C1QTNF1: variants seen among roughly 807,000 people sequenced by gnomAD.
C1QTNF1 encodes C1q and TNF related 1.
Under a neutral mutation model 27.8 loss-of-function variants are expected in C1QTNF1, and 22 were observed. The ratio of observed to expected loss-of-function variants is 0.79; its 90% confidence interval spans 0.56 to 1.13. The LOEUF (loss-of-function observed/expected upper bound fraction) is 1.13, where lower values mean the gene tolerates loss of function less well. Among genes scored for constraint, C1QTNF1 ranks in the 50% most tolerant of loss-of-function variants. C1QTNF1 has a pLI of 0.00. For missense variants in C1QTNF1, 373 were observed against 380.2 expected (o/e 0.98, Z 0.16); for synonymous variants, 166 against 154.3 (o/e 1.08, Z -0.56).
intron 1 of C1QTNF1, among the ~76,000 whole-genome samples, chr17:79,028,588 CA>C (rs1263952571): frequency 6.6e-6 from 1 of 152,218 alleles, no homozygotes; most frequent in Middle Eastern, 3.2e-3. Flanking sequence ...CTCTGGCATT[CA>C]GGGGAGCCCC....
At chr17:79,047,257 A>T (rs2072607460) in intron 3 of C1QTNF1, 5 of 325,772 alleles carry the variant, frequency 1.5e-5, no homozygotes, top group Non-Finnish European at 1.6e-5. Context: ...TTTTTTTACC[A>T]GGGCTTTCCA....
At position 79,047,749 on chromosome 17, in the gene C1QTNF1, G is replaced by C. The variant is rs771547856; in HGVS notation, c.507G>C (p.Thr169=). The C allele has an allele frequency of 6.2e-7, 1 of 1,614,140 alleles. No homozygotes were observed. Among genetic ancestry groups the C allele is most frequent in the Non-Finnish European group, 8.5e-7 (1 of 1,180,030 alleles). The part of the protein sequence containing the change: ...NHYYQTVIFD[T]EFVNLYDHFN... ...ACTACCAGACGGTGATCTTCGACAC[G>C]GAGTTCGTGAACCTCTACGACCACT... The change falls in exon 4 of 4, where the codon ACG becomes ACC. Residue 169 remains threonine (T), a synonymous_variant. Transcript: ENST00000579760.
At chr17:79,035,739 A>G (rs767909068) in intron 1 of C1QTNF1, among the ~76,000 whole-genome samples, 4 of 152,138 alleles carry the variant, frequency 2.6e-5, no homozygotes, top group Non-Finnish European at 4.4e-5. Flanking sequence ...CCTGAATCCA[A>G]TTCTTGAACT....
rs777701295 is a variant in C1QTNF1 at position 79,043,953 on chromosome 17, A to G, written c.-14-2A>G. 1.2e-5 allele frequency: 20 copies of G among 1,613,234 alleles called. No homozygotes were observed. Among genetic ancestry groups the G allele is most frequent in the Non-Finnish European group, 1.7e-5 (20 of 1,179,692 alleles). On this transcript the variant is annotated splice_acceptor_variant, in intron 1 of 3. Coordinates refer to ENST00000579760, the MANE Select transcript of C1QTNF1 (RefSeq NM_030968.5). LOFTEE classifies it low-confidence loss of function (5UTR_SPLICE). ...CTTCCCTGTGTGTTTCTTTCCCACCAGGGCCCGGCAGGAAGATGGGCTCCC... is the reference window on the plus strand; with the variant it reads ...CTTCCCTGTGTGTTTCTTTCCCACCGGGGCCCGGCAGGAAGATGGGCTCCC...
chr17:79,033,904 G>A (rs951294131), intron 1 of C1QTNF1, among the ~76,000 whole-genome samples: 2 of 152,188 alleles, frequency 1.3e-5, no homozygotes, highest in African/African-American at 2.4e-5. Flanking sequence ...GAATGCAGAA[G>A]GGTGTTGGGT....
chr17:79,040,389 G>A (rs952176882), intron 1 of C1QTNF1, among the ~76,000 whole-genome samples: 43 of 151,848 alleles, frequency 2.8e-4, no homozygotes, highest in African/African-American at 9.7e-4. Flanking sequence ...GGCCTGAGCC[G>A]GGAGGGTTGA....
chr17:79,023,473 AT>A (rs753446127), upstream of C1QTNF1, among the ~76,000 whole-genome samples: 3 of 152,218 alleles, frequency 2.0e-5, no homozygotes, highest in Non-Finnish European at 4.4e-5. Flanking sequence ...TTCAGAAAAA[AT>A]ATTTGTGTAT....
At position 79,043,686 on chromosome 17, in the gene C1QTNF1, G is replaced by C. The variant is rs1237723760; in HGVS notation, c.-14-269G>C. On this transcript the variant is annotated intron_variant, in intron 1 of 3. Coordinates refer to ENST00000579760, the MANE Select transcript of C1QTNF1 (RefSeq NM_030968.5). ...CATGTGTGGATTGCATGTGTGTTGA[G>C]TGTGTGCATGTGTGGGGGTTGCATG... 4 of 548,258 alleles carry C rather than the reference G, an allele frequency of 7.3e-6. No individual in the cohort carries two copies. In the African/African-American group the frequency reaches 8.0e-5, roughly 11 times the overall value. The allele number at this position is 548,258 out of a possible 1,614,324, so 34.0% of individuals were successfully genotyped here.
intron 1 of C1QTNF1, among the ~76,000 whole-genome samples, chr17:79,033,703 CTAAA>C (rs531584434): frequency 3.3e-5 from 5 of 151,542 alleles, no homozygotes; most frequent in African/African-American, 1.2e-4. Flanking sequence ...ACCCTGTCTC[CTAAA>C]TAAATAAATA....
chr17:79,045,210 A>G (rs1010058567), intron 2 of C1QTNF1, among the ~76,000 whole-genome samples: 7 of 152,132 alleles, frequency 4.6e-5, no homozygotes, highest in African/African-American at 1.4e-4. Flanking sequence ...GCTACCTGGT[A>G]GCCAGAATGG....
chr17:79,043,355 TG>T lies in C1QTNF1; in HGVS notation c.-14-599del, dbSNP rs1346897033. On this transcript the variant is annotated intron_variant, in intron 1 of 3. Transcript: ENST00000579760. ...AGTGCATGTGAGCATGTGGATTGCA[TG>T]TGTGAGTGCATGTGTGTGGACTGTG... The T allele has an allele frequency of 2.0e-5, 9 of 453,338 alleles. No homozygotes were observed. The East Asian group carries it at 5.6e-4, about 28-fold the overall frequency. 28.1% of individuals were successfully genotyped at this position (453,338 alleles called of 1,614,324 possible).
At chr17:79,036,748 C>A (rs938137726) in intron 1 of C1QTNF1, among the ~76,000 whole-genome samples, 3 of 152,154 alleles carry the variant, frequency 2.0e-5, no homozygotes, top group African/African-American at 7.2e-5. Context: ...CTGGTTGAAT[C>A]ACTTCCTCCC....
chr17:79,030,533 T>TTTC (rs1436012386), intron 1 of C1QTNF1, among the ~76,000 whole-genome samples: 3 of 131,200 alleles, frequency 2.3e-5, no homozygotes, highest in East Asian at 4.8e-4. Context: ...TTCTTTCTTC[T>TTTC]TTCTTTCTTT....
intron 1 of C1QTNF1, among the ~76,000 whole-genome samples, chr17:79,040,772 T>G (rs1425050962): frequency 6.7e-6 from 1 of 148,654 alleles, no homozygotes; most frequent in Non-Finnish European, 1.5e-5. Flanking sequence ...GGTGTGGTAG[T>G]GCATACCTGC....
chr17:79,036,413 G>A (rs1399400581), intron 1 of C1QTNF1, among the ~76,000 whole-genome samples: 2 of 152,146 alleles, frequency 1.3e-5, no homozygotes, highest in African/African-American at 4.8e-5. Context: ...GGGCTCAGGC[G>A]ATCCTCCCAC....
In C1QTNF1 at chr17:79,047,871, A is replaced by C. The variant is rs1446590086; in HGVS notation, c.629A>C (p.His210Pro). The change falls in exon 4 of 4, where the codon CAC becomes CCC. Residue 210 changes from histidine (H) to proline (P), a missense_variant. Transcript: ENST00000579760. ...TGGAACCAGAAGGAGACCTACCTGC[A>C]CATCATGAAGAACGAGGAGGAGGTG... The part of the protein sequence containing the change: ...HTWNQKETYL[H>P]IMKNEEEVVI... The C allele has an allele frequency of 1.9e-6, 3 of 1,614,220 alleles. No individual in the cohort carries two copies. The South Asian group carries it at 3.3e-5, about 18-fold the overall frequency.
At chr17:79,028,688 C>T (rs2072042477) in intron 1 of C1QTNF1, among the ~76,000 whole-genome samples, 1 of 152,210 alleles carries the variant, frequency 6.6e-6, no homozygotes, top group Non-Finnish European at 1.5e-5. Context: ...TCCTTTGCAA[C>T]TCAGAGCTCA....
At chr17:79,025,404 C>G (rs2071917581) in intron 1 of C1QTNF1, among the ~76,000 whole-genome samples, 1 of 152,154 alleles carries the variant, frequency 6.6e-6, no homozygotes, top group African/African-American at 2.4e-5. Context: ...GAAGCCGCCC[C>G]CCTCTGTGAG....
intron 1 of C1QTNF1, among the ~76,000 whole-genome samples, chr17:79,042,955 G>A (rs1412466960): frequency 1.3e-5 from 2 of 152,234 alleles, no homozygotes; most frequent in Non-Finnish European, 2.9e-5. Flanking sequence ...ATGTGTGCAT[G>A]TTAATGTGTG....
Sources: allele counts gnomAD v4.1 joint callset (sites outside exome capture counted in the v4.1 genomes callset), GRCh38; gene constraint gnomAD v4.1.1; transcripts MANE v1.5; gene names NCBI Gene and HGNC (gene_info 2026-07-23, HGNC 2026-07-21).